LRBA: variants seen among roughly 807,000 people sequenced by gnomAD.
The protein encoded by LRBA is LPS responsive beige-like anchor protein.
LRBA carries 176 observed loss-of-function variants against 330.0 expected under a neutral mutation model. The observed-to-expected ratio is 0.53, with a 90% CI of 0.47 to 0.60. LRBA has a LOEUF of 0.60. Among genes scored for constraint, LRBA ranks in the 20% least tolerant of loss-of-function variants. The pLI is 0.00. For missense variants in LRBA, 3,259 were observed against 3,444.8 expected (o/e 0.95, Z 1.35); for synonymous variants, 1,230 against 1,193.0 (o/e 1.03, Z -0.64).
chr4:150,439,586 C>T (rs546268242), intron 44 of LRBA, among the ~76,000 whole-genome samples: 22 of 152,240 alleles, frequency 1.4e-4, no homozygotes, highest in African/African-American at 4.3e-4. Context: ...GGAATACACA[C>T]ATTGAATTAT....
intron 37 of LRBA, among the ~76,000 whole-genome samples, chr4:150,672,896 T>G (rs1782192069): frequency 6.6e-6 from 1 of 152,114 alleles, no homozygotes; most frequent in Admixed American, 6.5e-5. Context: ...GAAAACTTAT[T>G]TAGAAATGCA....
intron 2 of LRBA, among the ~76,000 whole-genome samples, chr4:150,933,616 T>C (rs866210777): frequency 6.6e-6 from 1 of 152,194 alleles, no homozygotes; most frequent in African/African-American, 2.4e-5. Flanking sequence ...AAAGATCTAT[T>C]GCATAGAAGG....
rs543682307 is a variant in LRBA, at chr4:150,555,215, T to A, written c.6330+32833A>T. The stretch of plus-strand genomic sequence containing the variant: ...GTGGTGAACACTTCAGTTGTTTAAT[T>A]GTATAAAGAAATGCTATCACCCACA... On this transcript the variant is annotated intron_variant, in intron 40 of 56. Coordinates refer to ENST00000651943, the MANE Select transcript of LRBA (RefSeq NM_001364905.1). Among the ~76,000 whole-genome samples the A allele has an allele frequency of 3.3e-5, 5 of 152,246 alleles. No homozygotes were observed. In the South Asian group the frequency reaches 1.0e-3, roughly 32 times the overall value.
intron 40 of LRBA, among the ~76,000 whole-genome samples, chr4:150,497,810 T>A (rs1759771226): frequency 6.6e-6 from 1 of 152,170 alleles, no homozygotes; most frequent in Non-Finnish European, 1.5e-5. Flanking sequence ...TCTTATGTTT[T>A]CTCTTCCAAT....
At chr4:150,284,850 G>A (rs928179772) in intron 54 of LRBA, among the ~76,000 whole-genome samples, 3 of 152,132 alleles carry the variant, frequency 2.0e-5, no homozygotes, top group African/African-American at 7.2e-5. Context: ...AAAGACCATG[G>A]AACAATTGTA....
intron 34 of LRBA, among the ~76,000 whole-genome samples, chr4:150,776,091 G>T (rs1017134546): frequency 2.0e-5 from 3 of 152,168 alleles, no homozygotes; most frequent in Non-Finnish European, 2.9e-5. Context: ...GTTAAAAGGA[G>T]AGGAGTTTAA....
intron 48 of LRBA, among the ~76,000 whole-genome samples, chr4:150,342,806 T>G (rs999477135): frequency 2.0e-5 from 3 of 152,162 alleles, no homozygotes; most frequent in African/African-American, 4.8e-5. Context: ...TGGGAACGTA[T>G]TTCCAGACTG....
Position 150,396,735 on chromosome 4 carries a change from A to T in LRBA, c.7194+18703T>A, listed in dbSNP as rs143946523. Among the ~76,000 whole-genome samples the T allele has an allele frequency of 1.8e-4, 28 of 152,338 alleles. 1 individual carries two copies. The East Asian group carries it at 5.0e-3, about 27-fold the overall frequency. On this transcript the variant is annotated intron_variant, in intron 47 of 56. Transcript: ENST00000651943. ...GCTCACAAGCCTTTCCCAGGTACTGACACTTGACAAGTGCCATATGAAATG... is the reference window on the plus strand; with the variant it reads ...GCTCACAAGCCTTTCCCAGGTACTGTCACTTGACAAGTGCCATATGAAATG...
intron 37 of LRBA, among the ~76,000 whole-genome samples, chr4:150,661,078 T>TAAAAAAAAAAAAAAAAAAA (rs559512113): frequency 1.9e-5 from 2 of 102,622 alleles, no homozygotes; most frequent in Non-Finnish European, 3.9e-5. Context: ...AAAAATAAAT[T>TAAAAAAAAAAAAAAAAAAA]AAAAAAAAAA....
intron 4 of LRBA, among the ~76,000 whole-genome samples, chr4:150,927,942 AAATAAG>A (rs1683294282): frequency 6.6e-6 from 1 of 152,198 alleles, no homozygotes; most frequent in South Asian, 2.1e-4. Context: ...AAGGGCACTA[AAATAAG>A]ATTGGAAATG....
chr4:150,707,874 T>C (rs1353573666), intron 36 of LRBA, among the ~76,000 whole-genome samples: 1 of 151,692 alleles, frequency 6.6e-6, no homozygotes, highest in Non-Finnish European at 1.5e-5. Flanking sequence ...TCATTTAAAA[T>C]AAAAAAATTT....
At chr4:150,963,361 T>A (rs1022531251) in intron 2 of LRBA, among the ~76,000 whole-genome samples, 5 of 149,494 alleles carry the variant, frequency 3.3e-5, no homozygotes, top group Non-Finnish European at 7.3e-5. Flanking sequence ...GGTTTTCGTA[T>A]TTTTTGGTGG....
At chr4:150,927,082 A>G (rs1420502522) in intron 4 of LRBA, among the ~76,000 whole-genome samples, 13 of 151,260 alleles carry the variant, frequency 8.6e-5, no homozygotes, top group African/African-American at 1.7e-4. Flanking sequence ...AAGAAAGAAA[A>G]AAAAAAAAAA....
At chr4:150,350,397 C>T (rs1312384798) in intron 47 of LRBA, among the ~76,000 whole-genome samples, 2 of 152,066 alleles carry the variant, frequency 1.3e-5, no homozygotes, top group Non-Finnish European at 2.9e-5. Context: ...TGGCGAAACC[C>T]GGTCTCTACT....
chr4:150,765,862 T>C (rs1325478769), intron 34 of LRBA, among the ~76,000 whole-genome samples: 1 of 152,128 alleles, frequency 6.6e-6, no homozygotes, highest in African/African-American at 2.4e-5. Flanking sequence ...AGATTTTAAG[T>C]AGCATTATTG....
In LRBA at chr4:150,852,729, C is replaced by T; in HGVS notation, c.2981G>A (p.Ser994Asn). 1 of 1,613,848 alleles carries T rather than the reference C, an allele frequency of 6.2e-7. No homozygotes were observed. The highest frequency in any genetic ancestry group is 8.5e-7 in the Non-Finnish European group (1 of 1,179,846). ...TTCTAGTGAACTTGTCTTCTCTATA[C>T]TTGAATTTTCATTACCATTTGTGGT... is the stretch of plus-strand genomic sequence containing the variant. The part of the protein sequence containing the change: ...HFTTNGNENS[S>N]IEKTSSLESA... The change falls in exon 23 of 57, where the codon AGT becomes AAT. Residue 994 changes from serine (S) to asparagine (N), a missense_variant. Physicochemically the swap from Ser to Asn is conservative, Grantham distance 46. Transcript: ENST00000651943.
rs1384515601 is a variant in LRBA, at chr4:150,808,373, C to T, written c.5331G>A (p.Leu1777=). 4 of 1,611,288 alleles carry T rather than the reference C, an allele frequency of 2.5e-6. No homozygotes were observed. Among genetic ancestry groups the T allele is most frequent in the Admixed American group, 1.7e-5 (1 of 59,938 alleles). ...SPGSRSSNAK[L]PSVPTVDSVS... The stretch of plus-strand genomic sequence containing the variant: ...CTGAATCAACTGTTGGAACTGAGGG[C>T]AATTTTGCATTAGATGATCTACTGC... The change falls in exon 32 of 57, where the codon TTG becomes TTA. Residue 1777 remains leucine, a synonymous_variant. Transcript: ENST00000651943.
At chr4:150,942,374 CA>C (rs1735770473) in intron 2 of LRBA, among the ~76,000 whole-genome samples, 1 of 152,162 alleles carries the variant, frequency 6.6e-6, no homozygotes, top group Non-Finnish European at 1.5e-5. Flanking sequence ...GTATTCTCTA[CA>C]ATTGCCTTTC....
At chr4:150,901,608 C>A (rs1730736353) in intron 13 of LRBA, among the ~76,000 whole-genome samples, 1 of 152,030 alleles carries the variant, frequency 6.6e-6, no homozygotes, top group African/African-American at 2.4e-5. Context: ...CTTTAGAGAG[C>A]AAAAAGTAGG....
Sources: allele counts gnomAD v4.1 joint callset (sites outside exome capture counted in the v4.1 genomes callset), GRCh38; gene constraint gnomAD v4.1.1; transcripts MANE v1.5; gene names NCBI Gene and HGNC (gene_info 2026-07-23, HGNC 2026-07-21).